Variants in NCAM1 observed in about 807,000 individuals in gnomAD.
NCAM1 encodes antigen recognized by monoclonal antibody 5.1H11.
Under a neutral mutation model 109.8 loss-of-function variants are expected in NCAM1, and 14 were observed. The ratio of observed to expected loss-of-function variants is 0.13; its 90% CI spans 0.08 to 0.20. The LOEUF is 0.20. Among genes scored for constraint, NCAM1 ranks in the 10% least tolerant of loss-of-function variants. The pLI, the probability that NCAM1 is intolerant of heterozygous loss-of-function variation, is 1.00. For synonymous variants in NCAM1, 418 were observed against 442.9 expected (o/e 0.94, Z 0.70); for missense variants, 774 against 1,109.9 (o/e 0.70, Z 4.30).
intron 1 of NCAM1, among the ~76,000 whole-genome samples, chr11:113,140,628 A>C (rs1036837471): frequency 6.6e-6 from 1 of 152,196 alleles, no homozygotes; most frequent in African/African-American, 2.4e-5. Context: ...AGGACTTTGC[A>C]TTAATCTTGT....
intron 1 of NCAM1, among the ~76,000 whole-genome samples, chr11:113,152,803 G>T (rs1195304628): frequency 6.6e-6 from 1 of 152,204 alleles, no homozygotes; most frequent in African/African-American, 2.4e-5. Flanking sequence ...ACCATAGGCA[G>T]AATGAAATTC....
At position 113,078,380 on chromosome 11, in the gene NCAM1, CT is replaced by C. The variant is rs1938626088; in HGVS notation, c.52+116720del. Among the ~76,000 whole-genome samples the C allele has an allele frequency of 2.0e-5, 3 of 150,488 alleles. No individual in the cohort carries two copies. The South Asian group carries it at 6.3e-4, about 31-fold the overall frequency. On this transcript the variant is annotated intron_variant, in intron 1 of 19. Transcript: ENST00000316851. The stretch of plus-strand genomic sequence containing the variant: ...ATCCTTAGTTATACCTGCAAAGACC[CT>C]TTTGTTTTTTTTTTCAAATAAGATC...
chr11:113,277,578 T>TTCA lies in NCAM1; in HGVS notation c.*2194_*2196dup. 2.5e-6 allele frequency: 1 copy of TTCA among 397,172 alleles called. No individual in the cohort carries two copies. The highest frequency in any genetic ancestry group is 4.4e-5 in the Admixed American group (1 of 22,710). The allele number at this position is 397,172 out of a possible 1,614,324, so 24.6% of individuals were successfully genotyped here. On this transcript the variant is annotated 3_prime_UTR_variant, in exon 20 of 20. Coordinates refer to ENST00000316851, the MANE Select transcript of NCAM1 (RefSeq NM_181351.5). ...CCAGGCTGTTCAGTGGACTCAGTTCTTCATCTTGTAATGTCGATGGCTTTG... is the reference window on the plus strand; with the variant it reads ...CCAGGCTGTTCAGTGGACTCAGTTCTTCATCATCTTGTAATGTCGATGGCTTTG...
Position 113,260,175 on chromosome 11 carries a change from G to C in NCAM1, c.1983G>C (p.Arg661Ser). The C allele has an allele frequency of 6.2e-7, 1 of 1,613,470 alleles. No homozygotes were observed. Among genetic ancestry groups the C allele is most frequent in the Non-Finnish European group, 8.5e-7 (1 of 1,179,760 alleles). ...ALSSEWKPEI[R>S]LPSGSDHVML... ...CCTCCGAGTGGAAACCAGAGATCAG[G>C]CTCCCGTCTGGCAGTGACCACGTCA... The change falls in exon 17 of 20, where the codon AGG becomes AGC. Residue 661 changes from arginine (R) to serine (S), a missense_variant. Around this residue, in one of 4 missense-constraint regions of NCAM1, gnomAD observed 523 missense variants for 784.2 expected, o/e 0.67. Coordinates refer to ENST00000316851, the MANE Select transcript of NCAM1 (RefSeq NM_181351.5).
rs181591353 is a variant in NCAM1, at chr11:113,181,761, C to T, written c.53-20618C>T. 1.1e-3 allele frequency among the ~76,000 whole-genome samples: 169 copies of T among 152,296 alleles called. 1 individual carries two copies. Among genetic ancestry groups the T allele is most frequent in the South Asian group, 8.9e-3 (43 of 4,822 alleles). On this transcript the variant is annotated intron_variant, in intron 1 of 19. Transcript: ENST00000316851. Reference sequence around the variant, plus strand: ...TTCTCTCCCCTCTTCCGAAAGAGGACTGGACCTCAGAAGCAACCAGGGGTC... The same window carrying T: ...TTCTCTCCCCTCTTCCGAAAGAGGATTGGACCTCAGAAGCAACCAGGGGTC...
chr11:113,179,522 G>A (rs973610029), intron 1 of NCAM1, among the ~76,000 whole-genome samples: 1 of 152,192 alleles, frequency 6.6e-6, no homozygotes, highest in Non-Finnish European at 1.5e-5. Context: ...GCTTCCAGAG[G>A]CCTATTGTGT....
rs530833709 is a variant in NCAM1 at position 112,963,875 on chromosome 11, T to C, written c.52+2211T>C. On this transcript the variant is annotated intron_variant, in intron 1 of 19. Transcript: ENST00000316851. The surrounding 1 kb of genome is among the most constrained non-coding windows in gnomAD (Gnocchi z 4.6). The stretch of plus-strand genomic sequence containing the variant: ...GGCAGGGGAGGCATTCTAACCAGTG[T>C]TCCCTGGAATGAAAGCGACCTCTTT... Among the ~76,000 whole-genome samples, 6 of 152,182 alleles carry C rather than the reference T, an allele frequency of 3.9e-5. No homozygotes were observed. The highest frequency in any genetic ancestry group is 3.3e-4 in the Admixed American group (5 of 15,298).
At chr11:112,982,286 A>G (rs1461992176) in intron 1 of NCAM1, among the ~76,000 whole-genome samples, 1 of 151,928 alleles carries the variant, frequency 6.6e-6, no homozygotes, top group Non-Finnish European at 1.5e-5. Flanking sequence ...GGTAAGATCT[A>G]AAAAAGGAAT....
At chr11:113,047,878 C>A (rs1953327319) in intron 1 of NCAM1, among the ~76,000 whole-genome samples, 1 of 152,082 alleles carries the variant, frequency 6.6e-6, no homozygotes, top group South Asian at 2.1e-4. Context: ...TTAAATTACC[C>A]CCCACTGAGT....
intron 1 of NCAM1, among the ~76,000 whole-genome samples, chr11:113,065,470 C>T (rs567607771): frequency 6.1e-4 from 93 of 152,194 alleles, no homozygotes; most frequent in Non-Finnish European, 1.2e-3. Flanking sequence ...AAATAGTACC[C>T]AAGCCATGTG....
At chr11:113,059,263 A>T (rs1422522049) in intron 1 of NCAM1, among the ~76,000 whole-genome samples, 1 of 152,078 alleles carries the variant, frequency 6.6e-6, no homozygotes, top group African/African-American at 2.4e-5. Flanking sequence ...AGGATCTAAC[A>T]CCCTTCCAAA....
intron 1 of NCAM1, among the ~76,000 whole-genome samples, chr11:113,032,586 C>A (rs1952755269): frequency 6.6e-6 from 1 of 152,182 alleles, no homozygotes; most frequent in African/African-American, 2.4e-5. Context: ...TCCTATGTGC[C>A]CAGGCAGAAA....
intron 1 of NCAM1, among the ~76,000 whole-genome samples, chr11:113,071,705 G>T (rs139221225): frequency 4.6e-5 from 7 of 152,122 alleles, no homozygotes; most frequent in Non-Finnish European, 1.0e-4. Flanking sequence ...GATTACAGGC[G>T]TGGGCCACCA....
intron 1 of NCAM1, among the ~76,000 whole-genome samples, chr11:112,961,870 C>A (rs553758453): frequency 5.3e-4 from 80 of 152,208 alleles, no homozygotes; most frequent in Non-Finnish European, 8.4e-4. Context: ...GCTGCCTCCC[C>A]GAGCCGCCAG....
intron 1 of NCAM1, among the ~76,000 whole-genome samples, chr11:113,165,302 G>A (rs1033799743): frequency 2.6e-5 from 4 of 152,142 alleles, no homozygotes; most frequent in South Asian, 4.2e-4. Context: ...AAGGCCAATC[G>A]CTTTCTGATG....
chr11:113,112,958 C>G (rs1297307146), intron 1 of NCAM1, among the ~76,000 whole-genome samples: 2 of 151,944 alleles, frequency 1.3e-5, no homozygotes, highest in African/African-American at 4.8e-5. Flanking sequence ...ATGGTGAAAC[C>G]CCGTCTCTAC....
intron 17 of NCAM1, chr11:113,264,671 G>A: frequency 1.0e-6 from 1 of 985,540 alleles, no homozygotes; most frequent in Non-Finnish European, 1.2e-6. Flanking sequence ...ACAGGAGAGG[G>A]GCAGTGTCCA....
chr11:113,234,881 C>T (rs530629773), intron 13 of NCAM1, among the ~76,000 whole-genome samples, 152 bp from the exon 14 acceptor site: 9 of 152,340 alleles, frequency 5.9e-5, no homozygotes, highest in Admixed American at 1.3e-4. Context: ...TTGGTCCCGA[C>T]TTTCAATTCT....
rs145939215 is a variant in NCAM1 at position 113,269,987 on chromosome 11, A to T, written c.2132-201A>T. ...CCCCAATCTGTGAGATGATGTTGTC[A>T]TCCCTCCCTCTGGAAGGTATAGAAA... On this transcript the variant is annotated intron_variant, in intron 17 of 19. Transcript: ENST00000316851. 4 of 601,822 alleles carry T rather than the reference A, an allele frequency of 6.6e-6. No homozygotes were observed. In the African/African-American group the frequency reaches 7.4e-5, roughly 11 times the overall value. 37.3% of individuals were successfully genotyped at this position (601,822 alleles called of 1,614,324 possible).
Sources: allele counts gnomAD v4.1 joint callset (sites outside exome capture counted in the v4.1 genomes callset), GRCh38; gene constraint gnomAD v4.1.1; regional missense constraint gnomAD v4.1.1; non-coding constraint Gnocchi (gnomAD v3.1); transcripts MANE v1.5; gene names NCBI Gene and HGNC (gene_info 2026-07-23, HGNC 2026-07-21).